Variants in TMEM117 observed in about 807,000 individuals in gnomAD.
TMEM117 encodes transmembrane protein 117.
A neutral mutation model predicts 52.4 loss-of-function variants in TMEM117; 27 were observed. The ratio of observed to expected loss-of-function variants is 0.51; its 90% CI spans 0.38 to 0.71. TMEM117 has a LOEUF of 0.71. Ranked by LOEUF, TMEM117 falls within the 30% of genes least tolerant of loss-of-function variation. The probability of loss-of-function intolerance (pLI) is 0.00; values close to 1 mark genes in which losing one functional copy is unlikely to be tolerated. For synonymous variants in TMEM117, 215 were observed against 206.3 expected, an observed-to-expected ratio of 1.04 and a Z score of -0.36; for missense variants, 556 against 630.5, an observed-to-expected ratio of 0.88 and a Z score of 1.26.
At chr12:44,195,799 A>T (rs1209288105) in intron 4 of TMEM117, among the ~76,000 whole-genome samples, 4 of 152,060 alleles carry the variant, frequency 2.6e-5, no homozygotes, top group Non-Finnish European at 5.9e-5. Flanking sequence ...CATGCCTGTA[A>T]TCTCAACTAC....
intron 5 of TMEM117, among the ~76,000 whole-genome samples, chr12:44,266,087 T>A (rs892558672): frequency 6.6e-6 from 1 of 152,168 alleles, no homozygotes; most frequent in Non-Finnish European, 1.5e-5. Flanking sequence ...GGATATATGT[T>A]TTTATTTCTC....
intron 2 of TMEM117, among the ~76,000 whole-genome samples, chr12:43,915,050 G>A (rs1437907115): frequency 6.6e-6 from 1 of 151,998 alleles, no homozygotes; most frequent in African/African-American, 2.4e-5. Context: ...TTTCCTCATG[G>A]GAAAGCACTG....
At chr12:44,143,645 C>G in intron 4 of TMEM117, 21 bp downstream of exon 4, 2 of 1,566,064 alleles carry the variant, frequency 1.3e-6, no homozygotes, top group Non-Finnish European at 1.8e-6. Flanking sequence ...TTTAACTTCA[C>G]CCATTTCAAA....
intron 2 of TMEM117, among the ~76,000 whole-genome samples, chr12:43,883,837 A>G (rs1336298693): frequency 1.3e-5 from 2 of 152,092 alleles, no homozygotes; most frequent in Admixed American, 6.5e-5. Context: ...GGGAGGAAAT[A>G]TAGTAAGAGT....
At chr12:43,847,453 G>T (rs548420226) in intron 2 of TMEM117, among the ~76,000 whole-genome samples, 1 of 152,330 alleles carries the variant, frequency 6.6e-6, no homozygotes, top group East Asian at 1.9e-4. Context: ...CCATGATAAA[G>T]ATGGAGGGGC....
intron 5 of TMEM117, among the ~76,000 whole-genome samples, chr12:44,212,910 G>T (rs1949666095): frequency 6.6e-6 from 1 of 151,934 alleles, no homozygotes; most frequent in Admixed American, 6.6e-5. Context: ...TGTTGCTGGA[G>T]ATATAGGACA....
intron 6 of TMEM117, among the ~76,000 whole-genome samples, chr12:44,312,380 T>C (rs2138675177): frequency 1.3e-5 from 2 of 152,290 alleles, no homozygotes; most frequent in Middle Eastern, 6.8e-3. Context: ...TCTGTTCCTA[T>C]GTTAATTTAC....
At chr12:44,353,311 T>C (rs1482191704) in intron 6 of TMEM117, among the ~76,000 whole-genome samples, 1 of 152,198 alleles carries the variant, frequency 6.6e-6, no homozygotes. Context: ...TTAGATCCCA[T>C]TTGTCAATTT....
chr12:44,184,936 C>T (rs1949256320), intron 4 of TMEM117, among the ~76,000 whole-genome samples: 1 of 152,128 alleles, frequency 6.6e-6, no homozygotes, highest in South Asian at 2.1e-4. Flanking sequence ...TACCTTTTTG[C>T]TTGTACGCCT....
intron 2 of TMEM117, among the ~76,000 whole-genome samples, chr12:43,886,117 A>G (rs1943989847): frequency 6.6e-6 from 1 of 152,206 alleles, no homozygotes; most frequent in African/African-American, 2.4e-5. Flanking sequence ...TAATTTAGAT[A>G]GATGGTATAG....
intron 3 of TMEM117, among the ~76,000 whole-genome samples, chr12:44,046,381 A>G (rs1946881256): frequency 6.6e-6 from 1 of 152,226 alleles, no homozygotes; most frequent in South Asian, 2.1e-4. Context: ...TCAAGATGAA[A>G]TCAGTCTACC....
intron 3 of TMEM117, among the ~76,000 whole-genome samples, chr12:43,947,710 G>T (rs1312766075): frequency 6.6e-6 from 1 of 152,218 alleles, no homozygotes; most frequent in Non-Finnish European, 1.5e-5. Flanking sequence ...AGTCCAATGT[G>T]TCTTTGTTTA....
chr12:44,239,470 C>CT (rs1565625506), intron 5 of TMEM117, among the ~76,000 whole-genome samples: 2 of 152,078 alleles, frequency 1.3e-5, no homozygotes, highest in Non-Finnish European at 2.9e-5. Context: ...AAGATTAAAC[C>CT]TTTTAGCAGC....
chr12:44,141,983 A>G (rs11612946), intron 3 of TMEM117, among the ~76,000 whole-genome samples: 18,473 of 152,132 alleles, frequency 0.12, 1,329 homozygotes, highest in African/African-American at 0.2. Context: ...GTTGTGTTTT[A>G]TATCTTCACT....
At chr12:44,316,724 T>C (rs1951059122) in intron 6 of TMEM117, among the ~76,000 whole-genome samples, 1 of 152,174 alleles carries the variant, frequency 6.6e-6, no homozygotes, top group Admixed American at 6.5e-5. Flanking sequence ...GCCAGTAATT[T>C]ATAAATTTGT....
At chr12:43,845,042 C>A in intron 2 of TMEM117, 114 bp downstream of exon 2, 1 of 1,244,534 alleles carries the variant, frequency 8.0e-7, no homozygotes, top group Non-Finnish European at 1.1e-6. Context: ...GTTTGTCCTC[C>A]TGCCTTAAGT....
At chr12:43,897,366 C>T (rs1944223583) in intron 2 of TMEM117, among the ~76,000 whole-genome samples, 1 of 145,826 alleles carries the variant, frequency 6.9e-6, no homozygotes, top group African/African-American at 2.6e-5. Context: ...GGCTGGGGTA[C>T]AATGGCATGA....
At position 43,862,903 on chromosome 12, in the gene TMEM117, G is replaced by GT. The variant is rs552555398; in HGVS notation, c.277+17977dup. Among the ~76,000 whole-genome samples the GT allele has an allele frequency of 9.9e-5, 15 of 152,280 alleles. No homozygotes were observed. The East Asian group carries it at 2.9e-3, about 29-fold the overall frequency. On this transcript the variant is annotated intron_variant, in intron 2 of 7. Coordinates refer to ENST00000266534, the MANE Select transcript of TMEM117 (RefSeq NM_032256.3). ...AATCGCTTGAACCTGGGAGGCAGAG[G>GT]TTGCAGTGAGCTGAGATTACGCACT...
intron 3 of TMEM117, among the ~76,000 whole-genome samples, chr12:44,136,734 T>C (rs1948496558): frequency 6.6e-6 from 1 of 152,178 alleles, no homozygotes; most frequent in Non-Finnish European, 1.5e-5. Context: ...ATTATTCAAC[T>C]GACGTTCGAA....
Sources: gnomAD v4.1 joint callset for allele counts (sites outside exome capture counted in the v4.1 genomes callset) on GRCh38, gnomAD v4.1.1 for gene constraint, MANE v1.5 for transcripts, NCBI Gene and HGNC (gene_info 2026-07-23, HGNC 2026-07-21) for gene names.